Variants in KLHL1 observed in about 807,000 individuals in gnomAD.
KLHL1 encodes kelch-like protein 1.
In KLHL1, 47 loss-of-function variants were observed where a neutral mutation model predicts 77.7. The observed-to-expected ratio is 0.60, with a 90% CI of 0.48 to 0.77. KLHL1 has a LOEUF of 0.77. Ranked by LOEUF, KLHL1 falls within the 30% of genes least tolerant of loss-of-function variation. The pLI is 0.00. For synonymous variants in KLHL1, 360 were observed against 325.2 expected (o/e 1.11, Z -1.15); for missense variants, 925 against 910.8 (o/e 1.02, Z -0.20).
intron 6 of KLHL1, among the ~76,000 whole-genome samples, chr13:69,813,621 A>G (rs1273783697): frequency 6.6e-6 from 1 of 152,094 alleles, no homozygotes; most frequent in Non-Finnish European, 1.5e-5. Context: ...TCAAGGTGAG[A>G]ACCGAATCAA....
chr13:69,914,355 C>T (rs937906894), intron 4 of KLHL1, among the ~76,000 whole-genome samples: 1 of 152,012 alleles, frequency 6.6e-6, no homozygotes, highest in African/African-American at 2.4e-5. Flanking sequence ...TTATTATTAT[C>T]ATATGTTTAG....
intron 1 of KLHL1, among the ~76,000 whole-genome samples, chr13:70,032,444 A>G (rs907539072): frequency 6.6e-6 from 1 of 152,188 alleles, no homozygotes; most frequent in Admixed American, 6.5e-5. Context: ...AGCAAATTGA[A>G]GAAATGAGTA....
chr13:69,797,593 G>C (rs1877169256), intron 6 of KLHL1, among the ~76,000 whole-genome samples: 1 of 151,264 alleles, frequency 6.6e-6, no homozygotes, highest in African/African-American at 2.4e-5. Context: ...GAGACGGGCG[G>C]ATCACAAGGT....
intron 1 of KLHL1, among the ~76,000 whole-genome samples, chr13:70,087,564 T>C (rs77676799): frequency 0.035 from 5,207 of 149,906 alleles, 136 homozygotes; most frequent in Admixed American, 0.067. Flanking sequence ...AAAAAGAAAC[T>C]TAGTTGTGAT....
At chr13:69,893,944 T>G (rs7320643) in intron 4 of KLHL1, among the ~76,000 whole-genome samples, 148,516 of 152,242 alleles carry the variant, frequency 0.98, 72,550 homozygotes, top group South Asian at 1. Context: ...TACACATCAC[T>G]CTCCAAAAGA....
chr13:69,841,145 A>T (rs1483972310), intron 5 of KLHL1, among the ~76,000 whole-genome samples: 1 of 149,804 alleles, frequency 6.7e-6, no homozygotes, highest in Non-Finnish European at 1.5e-5. Context: ...AATAAAAAAT[A>T]AAAATCTTTA....
At chr13:69,939,378 T>TATAC (rs1200160699) in intron 4 of KLHL1, among the ~76,000 whole-genome samples, 48 of 70,800 alleles carry the variant, frequency 6.8e-4, no homozygotes, top group East Asian at 2.9e-3. Context: ...TATATATATA[T>TATAC]ACACACACAC....
At chr13:69,927,668 A>G (rs138824450) in intron 4 of KLHL1, among the ~76,000 whole-genome samples, 1 of 152,352 alleles carries the variant, frequency 6.6e-6, no homozygotes, top group East Asian at 1.9e-4. Context: ...CAGTTTCATT[A>G]GACATAGGAA....
At chr13:69,794,269 C>G (rs989318707) in intron 7 of KLHL1, among the ~76,000 whole-genome samples, 1 of 152,116 alleles carries the variant, frequency 6.6e-6, no homozygotes, top group Non-Finnish European at 1.5e-5. Context: ...TCATGCCCAG[C>G]TGTAATTCCC....
chr13:70,075,588 T>TATATATATATATAC (rs1221350719), intron 1 of KLHL1, among the ~76,000 whole-genome samples: 473 of 121,960 alleles, frequency 3.9e-3, no homozygotes, highest in Middle Eastern at 0.014. Context: ...TATATATATA[T>TATATATATATATAC]ACACACACAC....
chr13:69,831,349 G>C (rs148934532), intron 6 of KLHL1, among the ~76,000 whole-genome samples: 1,858 of 150,034 alleles, frequency 0.012, 74 homozygotes, highest in South Asian at 0.03. Flanking sequence ...AAAGCTAGCA[G>C]ATTTGGATAA....
intron 7 of KLHL1, among the ~76,000 whole-genome samples, chr13:69,762,170 C>T (rs964871554): frequency 2.0e-5 from 3 of 152,140 alleles, no homozygotes; most frequent in African/African-American, 7.2e-5. Context: ...GAAGTACTTA[C>T]TTCCCTAGAC....
At chr13:69,724,660 T>G (rs931630551) in intron 8 of KLHL1, among the ~76,000 whole-genome samples, 7 of 152,020 alleles carry the variant, frequency 4.6e-5, no homozygotes, top group African/African-American at 1.7e-4. Flanking sequence ...CAAATAGAAT[T>G]TATACCTAGG....
chr13:70,062,205 A>T (rs1292816834), intron 1 of KLHL1, among the ~76,000 whole-genome samples: 1 of 152,200 alleles, frequency 6.6e-6, no homozygotes, highest in Non-Finnish European at 1.5e-5. Flanking sequence ...TGGCAGCAGA[A>T]AATTCATATA....
At chr13:69,800,747 C>T (rs894838637) in intron 6 of KLHL1, among the ~76,000 whole-genome samples, 1 of 151,958 alleles carries the variant, frequency 6.6e-6, no homozygotes, top group Non-Finnish European at 1.5e-5. Context: ...GTTTCTAAGA[C>T]TGTATGTATT....
intron 1 of KLHL1, among the ~76,000 whole-genome samples, chr13:70,007,208 G>C (rs1885427075): frequency 6.6e-6 from 1 of 151,928 alleles, no homozygotes; most frequent in Non-Finnish European, 1.5e-5. Context: ...GTGTCGTATT[G>C]CAATAAATCA....
intron 5 of KLHL1, among the ~76,000 whole-genome samples, chr13:69,872,334 C>T (rs1386082272): frequency 2.0e-5 from 3 of 151,930 alleles, no homozygotes; most frequent in Non-Finnish European, 4.4e-5. Context: ...GCCCTACAGC[C>T]TCCTGTAGCT....
At chr13:70,076,593 A>G (rs774420740) in intron 1 of KLHL1, among the ~76,000 whole-genome samples, 4 of 151,912 alleles carry the variant, frequency 2.6e-5, no homozygotes, top group Non-Finnish European at 5.9e-5. Context: ...ACACAACACC[A>G]AAAGCCCAAT....
intron 1 of KLHL1, among the ~76,000 whole-genome samples, chr13:70,046,531 A>T (rs1418818815): frequency 1.3e-5 from 2 of 152,194 alleles, no homozygotes; most frequent in Admixed American, 1.3e-4. Flanking sequence ...TCTGTTGCCC[A>T]GGCTGGAGTG....
Sources: gnomAD v4.1 joint callset for allele counts (sites outside exome capture counted in the v4.1 genomes callset) on GRCh38, gnomAD v4.1.1 for gene constraint, MANE v1.5 for transcripts, NCBI Gene and HGNC (gene_info 2026-07-23, HGNC 2026-07-21) for gene names.